GPLD1: variants seen among roughly 807,000 people sequenced by gnomAD.
The protein encoded by GPLD1 is glycosylphosphatidylinositol specific phospholipase D1.
A neutral mutation model predicts 112.6 loss-of-function variants in GPLD1; 84 were observed. The ratio of observed to expected loss-of-function variants is 0.75; its 90% CI spans 0.63 to 0.89. The LOEUF (loss-of-function observed/expected upper bound fraction) is 0.89, where lower values mean the gene tolerates loss of function less well. Ranked by LOEUF, GPLD1 falls within the 40% of genes least tolerant of loss-of-function variation. The pLI, the probability that GPLD1 is intolerant of heterozygous loss-of-function variation, is 0.00. For synonymous variants in GPLD1, 386 were observed against 403.8 expected (o/e 0.96, Z 0.53); for missense variants, 1,044 against 1,051.5 (o/e 0.99, Z 0.10).
chr6:24,467,976 C>T (rs9467179), intron 7 of GPLD1, among the ~76,000 whole-genome samples: 10,924 of 151,882 alleles, frequency 0.072, 1,142 homozygotes, highest in African/African-American at 0.23. Context: ...GTGCAATCTC[C>T]GTTCACCGCA....
chr6:24,477,708 C>A (rs1764067803), intron 3 of GPLD1, among the ~76,000 whole-genome samples: 1 of 151,844 alleles, frequency 6.6e-6, no homozygotes, highest in Admixed American at 6.6e-5. Flanking sequence ...CCAGCCTGGG[C>A]AACAGAGCAA....
At position 24,446,999 on chromosome 6, in the gene GPLD1, C is replaced by T. The variant is rs753500949; in HGVS notation, c.1679-20G>A. On this transcript the variant is annotated intron_variant, in intron 17 of 24. Transcript: ENST00000230036. Reference sequence around the variant, plus strand: ...GTTTTTCTAAAGAAGACAACTCATCCTTTTTACTAATACTTTAAGTGAGAG... The same window carrying T: ...GTTTTTCTAAAGAAGACAACTCATCTTTTTTACTAATACTTTAAGTGAGAG... 114 of 1,607,650 alleles carry T rather than the reference C, an allele frequency of 7.1e-5. No homozygotes were observed. The highest frequency in any genetic ancestry group is 9.6e-5 in the Non-Finnish European group (113 of 1,175,760).
Position 24,486,084 on chromosome 6 carries a change from G to T in GPLD1, c.144C>A (p.Asn48Lys). 2 of 1,589,858 alleles carry T rather than the reference G, an allele frequency of 1.3e-6. No homozygotes were observed. Among genetic ancestry groups the T allele is most frequent in the Non-Finnish European group, 1.7e-6 (2 of 1,160,168 alleles). ...EFLQLHNGRV[N>K]YRELLLEHQD... is the part of the protein sequence containing the mutation. The stretch of plus-strand genomic sequence containing the variant: ...AAATCAAGATTTCTACCTCTCTGTA[G>T]TTAACACGCCCATTGTGAAGCTGAA... Residue 48 changes from asparagine to lysine, a missense_variant, in exon 2 of 25, where the codon AAC (asparagine) becomes AAA (lysine). Transcript: ENST00000230036.
chr6:24,433,510 T>G, intron 22 of GPLD1, 121 bp from the exon 23 acceptor site: 1 of 485,774 alleles, frequency 2.1e-6, no homozygotes, highest in South Asian at 2.0e-5. Flanking sequence ...TTTTTTTTTT[T>G]GAGAAGGAGT....
At chr6:24,443,340 C>T (rs2127326064) in intron 20 of GPLD1, among the ~76,000 whole-genome samples, 1 of 152,262 alleles carries the variant, frequency 6.6e-6, no homozygotes, top group South Asian at 2.1e-4. Context: ...AACGATTGGT[C>T]AGCTGCTTAA....
At chr6:24,488,798 T>TA (rs1764467761) in intron 1 of GPLD1, among the ~76,000 whole-genome samples, 1 of 152,188 alleles carries the variant, frequency 6.6e-6, no homozygotes, top group Admixed American at 6.5e-5. Flanking sequence ...GCCATCTCCC[T>TA]ATATCCAGGA....
intron 17 of GPLD1, among the ~76,000 whole-genome samples, chr6:24,447,350 A>G (rs1277225749): frequency 6.6e-6 from 1 of 152,042 alleles, no homozygotes; most frequent in Non-Finnish European, 1.5e-5. Context: ...TACTAAAAAT[A>G]CAAAAATTAG....
rs374209717 is a variant in GPLD1 at position 24,433,228 on chromosome 6, T to C, written c.2395A>G (p.Arg799Gly). 1 of 1,613,100 alleles carries C rather than the reference T, an allele frequency of 6.2e-7. No homozygotes were observed. The highest frequency in any genetic ancestry group is 8.5e-7 in the Non-Finnish European group (1 of 1,179,036). Residue 799 changes from arginine (R) to glycine (G), a missense_variant, in exon 24 of 25, where the codon AGG (arginine) becomes GGG (glycine). Coordinates refer to ENST00000230036, the MANE Select transcript of GPLD1 (RefSeq NM_001503.4). ...ACGGTGATGAGGGAGCTCCCAAACC[T>C]TGAGCTGGCCTGTAAAACATGCCGT... ...YVLISPEASS[R>G]FGSSLITVRS... is the part of the protein sequence containing the mutation.
At chr6:24,429,609 G>A (rs1762339584) in intron 24 of GPLD1, among the ~76,000 whole-genome samples, 1 of 152,186 alleles carries the variant, frequency 6.6e-6, no homozygotes, top group Admixed American at 6.5e-5. Flanking sequence ...GTGCAGTGAT[G>A]TGATCTCAGC....
In GPLD1 at chr6:24,479,797, CATATAT is replaced by C. The variant is rs3032260; in HGVS notation, c.232+78_232+83del. 6.4e-5 allele frequency: 48 copies of C among 751,574 alleles called. No homozygotes were observed. In the East Asian group the frequency reaches 1.2e-3, roughly 19 times the overall value. The allele number at this position is 751,574 out of a possible 1,614,324, so 46.6% of individuals were successfully genotyped here. ...TGCAATTAAAAATATATTGTACACA[CATATAT>C]ATATATTTTTAAAGTCATAGCTATT... On this transcript the variant is annotated intron_variant, in intron 3 of 24. Transcript: ENST00000230036.
intron 20 of GPLD1, among the ~76,000 whole-genome samples, chr6:24,444,701 T>C (rs1448805715): frequency 6.6e-6 from 1 of 151,950 alleles, no homozygotes; most frequent in African/African-American, 2.4e-5. Flanking sequence ...AAATAAAAAA[T>C]TAGATAATGT....
intron 17 of GPLD1, 160 bp downstream of exon 17, chr6:24,447,717 G>T: frequency 1.4e-6 from 1 of 702,806 alleles, no homozygotes; most frequent in Non-Finnish European, 2.3e-6. Context: ...GTGAATCTAT[G>T]CACATCACTT....
At chr6:24,437,898 G>A (rs1363347339) in intron 20 of GPLD1, among the ~76,000 whole-genome samples, 5 of 152,224 alleles carry the variant, frequency 3.3e-5, no homozygotes, top group East Asian at 1.9e-4. Flanking sequence ...TCCTAATCTC[G>A]CTGGTCTAGA....
At chr6:24,439,179 T>C (rs1401334734) in intron 20 of GPLD1, among the ~76,000 whole-genome samples, 3 of 148,376 alleles carry the variant, frequency 2.0e-5, no homozygotes, top group African/African-American at 7.4e-5. Flanking sequence ...TACTCCCTGC[T>C]TCAGTCCTTC....
chr6:24,475,294 A>G (rs898691285), intron 4 of GPLD1, 63 bp from the exon 5 acceptor site: 28 of 710,288 alleles, frequency 3.9e-5, no homozygotes, highest in East Asian at 2.6e-4. Flanking sequence ...AATCCTATTA[A>G]AAGTTTTAAT....
At position 24,489,406 on chromosome 6, in the gene GPLD1, A is replaced by C; in HGVS notation, c.97+9T>G. 6.4e-7 allele frequency: 1 copy of C among 1,557,458 alleles called. No homozygotes were observed. Among genetic ancestry groups the C allele is most frequent in the South Asian group, 1.1e-5 (1 of 89,856 alleles). On this transcript the variant is annotated intron_variant, in intron 1 of 24. Transcript: ENST00000230036. ...CCTCTCAACAACATAACAAGACACC[A>C]GTACTTACCTATTTCTACGTGTGTT... is the stretch of plus-strand genomic sequence containing the variant.
rs780911470 is a variant in GPLD1 at position 24,467,252 on chromosome 6, G to A, written c.568C>T (p.Leu190=). The change falls in exon 8 of 25, where the codon CTG becomes TTG. Residue 190 remains leucine (L), a synonymous_variant. Transcript: ENST00000230036. The stretch of plus-strand genomic sequence containing the variant: ...CCATACAGTTTCTCATAAATTCCCA[G>A]TAGATCTTTGACTGGCACATACCTG... The part of the protein sequence containing the change: ...RRWYVPVKDL[L]GIYEKLYGRK... The A allele has an allele frequency of 4.4e-6, 7 of 1,596,740 alleles. No homozygotes were observed. In the Admixed American group the frequency reaches 1.0e-4, roughly 23 times the overall value.
chr6:24,430,761 A>G (rs1762378096), intron 24 of GPLD1, among the ~76,000 whole-genome samples: 1 of 152,150 alleles, frequency 6.6e-6, no homozygotes, highest in African/African-American at 2.4e-5. Flanking sequence ...GTCAATGCCC[A>G]TTTTTGAAAC....
upstream of GPLD1, among the ~76,000 whole-genome samples, chr6:24,493,862 G>A: frequency 6.6e-6 from 1 of 152,200 alleles, no homozygotes; most frequent in Non-Finnish European, 1.5e-5. Context: ...AACGCTGTAG[G>A]AGTTGAGAAA....
Sources: gnomAD v4.1 joint callset for allele counts (sites outside exome capture counted in the v4.1 genomes callset) on GRCh38, gnomAD v4.1.1 for gene constraint, MANE v1.5 for transcripts, NCBI Gene and HGNC (gene_info 2026-07-23, HGNC 2026-07-21) for gene names.